The following NXN variants were observed in gnomAD, a reference collection of about 807,000 sequenced individuals.
The protein encoded by NXN is nucleoredoxin, also known as nucleoredoxin 1.
A neutral mutation model predicts 48.6 loss-of-function variants in NXN; 16 were observed. The ratio of observed to expected loss-of-function variants is 0.33; its 90% confidence interval spans 0.22 to 0.50. The LOEUF (loss-of-function observed/expected upper bound fraction) is 0.50, where lower values mean the gene tolerates loss of function less well. NXN is among the 20% of genes least tolerant of loss of function. The pLI is 0.98. For missense variants in NXN, 492 were observed against 605.5 expected (o/e 0.81, Z 1.97); for synonymous variants, 281 against 269.6 (o/e 1.04, Z -0.41).
chr17:955,472 A>T (rs1326894097), intron 1 of NXN, among the ~76,000 whole-genome samples: 2 of 150,126 alleles, frequency 1.3e-5, no homozygotes, highest in Non-Finnish European at 3.0e-5. Context: ...GCCTGGCCTC[A>T]TCTCTTCTCT....
At chr17:948,415 T>C (rs1320018701) in intron 1 of NXN, among the ~76,000 whole-genome samples, 2 of 152,098 alleles carry the variant, frequency 1.3e-5, no homozygotes, top group Non-Finnish European at 2.9e-5. Context: ...ACGGGTTATA[T>C]GTAAATGCTA....
At chr17:947,157 T>C (rs1320231309) in intron 1 of NXN, among the ~76,000 whole-genome samples, 4 of 152,090 alleles carry the variant, frequency 2.6e-5, no homozygotes, top group African/African-American at 9.7e-5. Flanking sequence ...ACGAACCCCA[T>C]TCTAGATGAC....
intron 1 of NXN, among the ~76,000 whole-genome samples, chr17:959,567 C>A (rs1258338556): frequency 6.6e-6 from 1 of 151,710 alleles, no homozygotes; most frequent in East Asian, 1.9e-4. Context: ...GAGGCTGAGG[C>A]GGGCAGATTA....
chr17:815,314 T>C (rs555062290), intron 5 of NXN, among the ~76,000 whole-genome samples: 60 of 131,992 alleles, frequency 4.5e-4, no homozygotes, highest in Middle Eastern at 5.1e-3. Flanking sequence ...GACTTCCATC[T>C]GTATGATGAG....
chr17:975,193 T>C (rs942788964), intron 1 of NXN, among the ~76,000 whole-genome samples: 16 of 152,214 alleles, frequency 1.1e-4, no homozygotes, highest in Non-Finnish European at 1.2e-4. Flanking sequence ...CAGTCACCAG[T>C]GGGAGCCTGT....
chr17:839,173 G>T (rs528343315), intron 1 of NXN, among the ~76,000 whole-genome samples: 1 of 152,174 alleles, frequency 6.6e-6, no homozygotes, highest in Non-Finnish European at 1.5e-5. Context: ...GGTGGCTCAC[G>T]CCTGGAATCC....
intron 1 of NXN, among the ~76,000 whole-genome samples, chr17:886,371 G>C (rs1349518286): frequency 6.6e-6 from 1 of 152,214 alleles, no homozygotes; most frequent in Non-Finnish European, 1.5e-5. Flanking sequence ...TACCGAGCCA[G>C]AGGGAATATT....
intron 5 of NXN, among the ~76,000 whole-genome samples, chr17:810,402 G>T (rs919338658): frequency 6.6e-6 from 1 of 152,170 alleles, no homozygotes; most frequent in Admixed American, 6.5e-5. Context: ...GGATGACAGC[G>T]AGATATCTAT....
chr17:799,766 G>C lies in NXN; in HGVS notation c.*1183C>G, dbSNP rs1911107328. ...TCCCGGGGCACAGCTCCTTCCGCTGGTGCTTAGGAAAAGGCGAGGCTTCTG... is the reference window on the plus strand; with the variant it reads ...TCCCGGGGCACAGCTCCTTCCGCTGCTGCTTAGGAAAAGGCGAGGCTTCTG... On this transcript the variant is annotated 3_prime_UTR_variant, in exon 8 of 8. Transcript: ENST00000336868. 1 of 152,412 alleles carries C rather than the reference G, an allele frequency of 6.6e-6. No individual in the cohort carries two copies. Among genetic ancestry groups the C allele is most frequent in the Non-Finnish European group, 1.5e-5 (1 of 68,152 alleles). The allele number at this position is 152,412 out of a possible 1,614,324, so 9.4% of individuals were successfully genotyped here.
intron 1 of NXN, among the ~76,000 whole-genome samples, chr17:887,813 T>C (rs1329067944): frequency 6.6e-6 from 1 of 152,144 alleles, no homozygotes; most frequent in Non-Finnish European, 1.5e-5. Context: ...AAAGGCAGAA[T>C]TCCATTTGAC....
intron 1 of NXN, among the ~76,000 whole-genome samples, chr17:903,695 T>A (rs1033193327): frequency 6.6e-6 from 1 of 152,202 alleles, no homozygotes; most frequent in African/African-American, 2.4e-5. Flanking sequence ...TGCTACAAGT[T>A]CTATACATAT....
intron 2 of NXN, among the ~76,000 whole-genome samples, chr17:824,099 G>A (rs1464681595): frequency 6.6e-6 from 1 of 150,414 alleles, no homozygotes; most frequent in East Asian, 2.0e-4. Flanking sequence ...GAGTGCAGTG[G>A]CGCAATCTCA....
At chr17:931,249 T>C (rs1045512157) in intron 1 of NXN, among the ~76,000 whole-genome samples, 16 of 146,702 alleles carry the variant, frequency 1.1e-4, no homozygotes, top group Non-Finnish European at 2.1e-4. Flanking sequence ...ATCGCGCCAC[T>C]GCACTCCAGC....
intron 1 of NXN, among the ~76,000 whole-genome samples, chr17:881,724 T>C (rs2068286676): frequency 6.6e-6 from 1 of 152,166 alleles, no homozygotes; most frequent in Non-Finnish European, 1.5e-5. Flanking sequence ...CATCCATCAT[T>C]GGAAGAATGG....
chr17:876,038 G>A (rs548915222), intron 1 of NXN, among the ~76,000 whole-genome samples: 25 of 152,030 alleles, frequency 1.6e-4, no homozygotes, highest in Non-Finnish European at 3.2e-4. Flanking sequence ...AAAATTAGCC[G>A]GGCGTGGTGG....
rs559673507 is a variant in NXN at position 877,348 on chromosome 17, A to G, written c.361-51270T>C. Among the ~76,000 whole-genome samples the G allele has an allele frequency of 1.6e-4, 24 of 151,868 alleles. No individual in the cohort carries two copies. In the South Asian group the frequency reaches 3.5e-3, roughly 22 times the overall value. On this transcript the variant is annotated intron_variant, in intron 1 of 7. Coordinates refer to ENST00000336868, the MANE Select transcript of NXN (RefSeq NM_022463.5). ...TTTTTAGTACAGGCGGGGTTTCACCATGTTGGCCAGGATGGTCTCGATCTC... is the reference window on the plus strand; with the variant it reads ...TTTTTAGTACAGGCGGGGTTTCACCGTGTTGGCCAGGATGGTCTCGATCTC...
chr17:825,124 G>A lies in NXN; in HGVS notation c.478+837C>T, dbSNP rs1410619635. Reference sequence around the variant, plus strand: ...TGCACGCCAGTAGTCCCAGCTACACGGGAGGATGAGTTGAGCTCAGGAGGT... The same window carrying A: ...TGCACGCCAGTAGTCCCAGCTACACAGGAGGATGAGTTGAGCTCAGGAGGT... On this transcript the variant is annotated intron_variant, in intron 2 of 7. Coordinates refer to ENST00000336868, the MANE Select transcript of NXN (RefSeq NM_022463.5). The surrounding 1 kb of genome is among the most constrained non-coding windows in gnomAD (Gnocchi z 4.1). Among the ~76,000 whole-genome samples, 1 of 151,886 alleles carries A rather than the reference G, an allele frequency of 6.6e-6. No homozygotes were observed. Among genetic ancestry groups the A allele is most frequent in the East Asian group, 1.9e-4 (1 of 5,174 alleles).
rs909167986 is a variant in NXN, at chr17:956,758, C to A, written c.360+22561G>T. Among the ~76,000 whole-genome samples, 2 of 152,140 alleles carry A rather than the reference C, an allele frequency of 1.3e-5. No individual in the cohort carries two copies. Among genetic ancestry groups the A allele is most frequent in the African/African-American group, 4.8e-5 (2 of 41,438 alleles). ...TCATCGTCTTAAACCTCCACCGCAA[C>A]CTGACAAGGTGGACGCTGCTATCGT... On this transcript the variant is annotated intron_variant, in intron 1 of 7. Transcript: ENST00000336868. The surrounding 1 kb of genome is among the most constrained non-coding windows in gnomAD (Gnocchi z 4.1).
intron 1 of NXN, among the ~76,000 whole-genome samples, chr17:872,279 G>A (rs2068163230): frequency 1.3e-5 from 2 of 151,004 alleles, no homozygotes; most frequent in African/African-American, 2.4e-5. Context: ...CAAGGAGAGA[G>A]ACAGAGGAAC....
Sources: allele counts gnomAD v4.1 joint callset (sites outside exome capture counted in the v4.1 genomes callset), GRCh38; gene constraint gnomAD v4.1.1; non-coding constraint Gnocchi (gnomAD v3.1); transcripts MANE v1.5; gene names NCBI Gene and HGNC (gene_info 2026-07-23, HGNC 2026-07-21).